Variants in ITGB1BP1 observed in about 807,000 individuals in gnomAD.
The protein encoded by ITGB1BP1 is integrin subunit beta 1 binding protein 1, also known as integrin beta-1-binding protein 1.
ITGB1BP1 carries 20 observed loss-of-function variants against 28.0 expected under a neutral mutation model. The ratio of observed to expected loss-of-function variants is 0.71; its 90% confidence interval spans 0.50 to 1.04. The LOEUF is 1.04. Ranked by LOEUF, ITGB1BP1 falls within the 50% of genes least tolerant of loss-of-function variation. The probability of loss-of-function intolerance (pLI) is 0.00; values close to 1 mark genes in which losing one functional copy is unlikely to be tolerated. For missense variants in ITGB1BP1, 228 were observed against 242.5 expected, an observed-to-expected ratio of 0.94 and a Z score of 0.40; for synonymous variants, 103 against 89.5, an observed-to-expected ratio of 1.15 and a Z score of -0.85.
rs1216417271 is a variant in ITGB1BP1 at position 9,415,101 on chromosome 2, G to A, written c.73-845C>T. Among the ~76,000 whole-genome samples the A allele has an allele frequency of 6.6e-6, 1 of 152,064 alleles. No individual in the cohort carries two copies. The highest frequency in any genetic ancestry group is 6.6e-5 in the Admixed American group (1 of 15,262). On this transcript the variant is annotated intron_variant, in intron 2 of 6. Coordinates refer to ENST00000355346, the MANE Select transcript of ITGB1BP1 (RefSeq NM_004763.5). This position sits in a 1 kb window ranked among gnomAD's most constrained non-coding sequence, Gnocchi z 4.1. Reference sequence around the variant, plus strand: ...TCTACTTAAAAAAAAAAATATGGCTGGGTGTGGTGGCTCACGCCTGTAATC... The same window carrying A: ...TCTACTTAAAAAAAAAAATATGGCTAGGTGTGGTGGCTCACGCCTGTAATC...
Position 9,415,685 on chromosome 2 carries a change from G to A in ITGB1BP1, c.73-1429C>T, listed in dbSNP as rs1679041136. Among the ~76,000 whole-genome samples the A allele has an allele frequency of 6.6e-6, 1 of 152,200 alleles. No individual in the cohort carries two copies. The highest frequency in any genetic ancestry group is 2.4e-5 in the African/African-American group (1 of 41,444). ...TGGCAGTAGGGAGGTTCTGTGTTGA[G>A]CAGCTCCAGGAGTTCAAAAACTTCC... On this transcript the variant is annotated intron_variant, in intron 2 of 6. Coordinates refer to ENST00000355346, the MANE Select transcript of ITGB1BP1 (RefSeq NM_004763.5). This position sits in a 1 kb window ranked among gnomAD's most constrained non-coding sequence, Gnocchi z 4.1.
chr2:9,408,511 C>A, intron 4 of ITGB1BP1: 1 of 243,488 alleles, frequency 4.1e-6, no homozygotes, highest in Non-Finnish European at 8.0e-6. Flanking sequence ...GGCTAATTTT[C>A]GTATTTTTAG....
chr2:9,408,530 G>A (rs1201820627), intron 4 of ITGB1BP1: 1 of 207,182 alleles, frequency 4.8e-6, no homozygotes, highest in Non-Finnish European at 9.8e-6. Context: ...AGTACAGATG[G>A]GGTTTCATCA....
Position 9,411,606 on chromosome 2 carries a change from C to T in ITGB1BP1, c.288+663G>A, listed in dbSNP as rs539417704. Among the ~76,000 whole-genome samples, 12 of 152,114 alleles carry T rather than the reference C, an allele frequency of 7.9e-5. No individual in the cohort carries two copies. The South Asian group carries it at 2.5e-3, about 32-fold the overall frequency. ...GCCGTGGCAGCATGCGCCTGTAGTC[C>T]CAGCTACTCAGGAAGCTGAGGCAGG... On this transcript the variant is annotated intron_variant, in intron 4 of 6. Transcript: ENST00000355346.
In ITGB1BP1 at chr2:9,423,383, C is replaced by A; in HGVS notation, c.-46G>T. 2 of 1,146,584 alleles carry A rather than the reference C, an allele frequency of 1.7e-6. No homozygotes were observed. The highest frequency in any genetic ancestry group is 2.2e-6 in the Non-Finnish European group (2 of 921,496). 71.0% of individuals were successfully genotyped at this position (1,146,584 alleles called of 1,614,324 possible). On this transcript the variant is annotated 5_prime_UTR_variant, in exon 1 of 7. Transcript: ENST00000355346. Reference sequence around the variant, plus strand: ...GGGCTGGGCGCTCACCTCGCAGCCGCGGGCCCATCCCCGGGTTGCGGACTT... The same window carrying A: ...GGGCTGGGCGCTCACCTCGCAGCCGAGGGCCCATCCCCGGGTTGCGGACTT...
Position 9,418,381 on chromosome 2 carries a change from G to A in ITGB1BP1, c.72+245C>T, listed in dbSNP as rs758418656. Reference sequence around the variant, plus strand: ...TTTTTAAATCAGTGCTTATTTCAACGAAACCATTCATAGGTCATGTCCCAT... The same window carrying A: ...TTTTTAAATCAGTGCTTATTTCAACAAAACCATTCATAGGTCATGTCCCAT... On this transcript the variant is annotated intron_variant, in intron 2 of 6. Coordinates refer to ENST00000355346, the MANE Select transcript of ITGB1BP1 (RefSeq NM_004763.5). Among the ~76,000 whole-genome samples, 6 of 152,116 alleles carry A rather than the reference G, an allele frequency of 3.9e-5. No homozygotes were observed. In the East Asian group the frequency reaches 5.8e-4, roughly 15 times the overall value.
chr2:9,409,861 T>TTTTA (rs1334935385), intron 4 of ITGB1BP1, among the ~76,000 whole-genome samples: 1 of 149,850 alleles, frequency 6.7e-6, no homozygotes, highest in African/African-American at 2.5e-5. Context: ...TTTTTTTTTT[T>TTTTA]GAGACGGAGT....
Position 9,415,229 on chromosome 2 carries a change from A to C in ITGB1BP1, c.73-973T>G, listed in dbSNP as rs964395679. Among the ~76,000 whole-genome samples, 1 of 152,112 alleles carries C rather than the reference A, an allele frequency of 6.6e-6. No homozygotes were observed. The highest frequency in any genetic ancestry group is 6.5e-5 in the Admixed American group (1 of 15,270). ...CCCCGTCTCTACCAAAAATACAAAA[A>C]TTAGCTGGGCATGGTGGCGGGCACT... is the stretch of plus-strand genomic sequence containing the variant. On this transcript the variant is annotated intron_variant, in intron 2 of 6. Coordinates refer to ENST00000355346, the MANE Select transcript of ITGB1BP1 (RefSeq NM_004763.5). The surrounding 1 kb of genome is among the most constrained non-coding windows in gnomAD (Gnocchi z 4.1).
chr2:9,410,955 T>C (rs1216025937), intron 4 of ITGB1BP1, among the ~76,000 whole-genome samples: 1 of 152,234 alleles, frequency 6.6e-6, no homozygotes, highest in Non-Finnish European at 1.5e-5. Flanking sequence ...TAAGGAATCT[T>C]GGTATTGCAG....
intron 1 of ITGB1BP1, 146 bp downstream of exon 1, chr2:9,423,227 G>A: frequency 8.9e-7 from 1 of 1,121,884 alleles, no homozygotes; most frequent in Non-Finnish European, 1.1e-6. Context: ...GCCCCGCCCG[G>A]AACCAAGCCC....
At chr2:9,414,129 A>C in intron 3 of ITGB1BP1, 49 bp downstream of exon 3, 2 of 1,470,186 alleles carry the variant, frequency 1.4e-6, no homozygotes, top group Non-Finnish European at 1.9e-6. Flanking sequence ...AAACCACGTG[A>C]ACATCAATGA....
chr2:9,410,127 G>A (rs1292096456), intron 4 of ITGB1BP1, among the ~76,000 whole-genome samples: 1 of 152,182 alleles, frequency 6.6e-6, no homozygotes, highest in Admixed American at 6.5e-5. Flanking sequence ...TTATAGGCCT[G>A]AGCCACCGCG....
chr2:9,411,565 A>G (rs1678391881), intron 4 of ITGB1BP1, among the ~76,000 whole-genome samples: 1 of 151,988 alleles, frequency 6.6e-6, no homozygotes, highest in South Asian at 2.1e-4. Context: ...CTACTAAAAT[A>G]CAAAAAATTA....
intron 2 of ITGB1BP1, among the ~76,000 whole-genome samples, chr2:9,416,656 C>G (rs1679185805): frequency 6.6e-6 from 1 of 152,238 alleles, no homozygotes; most frequent in Admixed American, 6.5e-5. Context: ...ACACATCCTA[C>G]TGGTTCTCTG....
At position 9,405,598 on chromosome 2, in the gene ITGB1BP1, T is replaced by C. The variant is rs1677160431; in HGVS notation, c.*1236A>G. 6.6e-6 allele frequency: 1 copy of C among 152,656 alleles called. No homozygotes were observed. The highest frequency in any genetic ancestry group is 1.5e-5 in the Non-Finnish European group (1 of 68,046). The allele number at this position is 152,656 out of a possible 1,614,324, so 9.5% of individuals were successfully genotyped here. A position where few individuals can be genotyped will look rare whatever the true frequency, so the allele number is the denominator to read the frequency against. On this transcript the variant is annotated 3_prime_UTR_variant, in exon 7 of 7. Transcript: ENST00000355346. ...TCATTGTCCTTAATGCAGTGATTTA[T>C]AATTAGAGCATGTTTAATAAGTTTA...
chr2:9,418,488 A>G (rs1179026377), intron 2 of ITGB1BP1, 138 bp downstream of exon 2: 8 of 708,188 alleles, frequency 1.1e-5, no homozygotes. Flanking sequence ...TCTCTAGTGC[A>G]AAAAGTAAAT....
At chr2:9,421,686 CAAA>C (rs200781388) in intron 1 of ITGB1BP1, among the ~76,000 whole-genome samples, 3 of 78,764 alleles carry the variant, frequency 3.8e-5, no homozygotes, top group Admixed American at 1.5e-4. Context: ...GACTCCGTCT[CAAA>C]AAAAAAAAAA....
chr2:9,413,490 G>A (rs540448614), intron 3 of ITGB1BP1, among the ~76,000 whole-genome samples: 45 of 152,078 alleles, frequency 3.0e-4, no homozygotes, highest in South Asian at 6.2e-4. Flanking sequence ...CACCACGCCC[G>A]GCTAATTTTT....
chr2:9,421,138 T>TTA (rs1679793063), intron 1 of ITGB1BP1, among the ~76,000 whole-genome samples: 1 of 152,208 alleles, frequency 6.6e-6, no homozygotes. Flanking sequence ...TACATATTTA[T>TTA]ATATAGGTAA....
Sources: allele counts gnomAD v4.1 joint callset (sites outside exome capture counted in the v4.1 genomes callset), GRCh38; gene constraint gnomAD v4.1.1; non-coding constraint Gnocchi (gnomAD v3.1); transcripts MANE v1.5; gene names NCBI Gene and HGNC (gene_info 2026-07-23, HGNC 2026-07-21).